The following HIPK3 variants were observed in gnomAD, a reference collection of about 807,000 sequenced individuals.
HIPK3 encodes homeodomain-interacting protein kinase 3.
HIPK3 carries 47 observed loss-of-function variants against 124.2 expected under a neutral mutation model. The observed-to-expected ratio is 0.38, with a 90% CI of 0.30 to 0.48. The LOEUF (loss-of-function observed/expected upper bound fraction) is 0.48, where lower values mean the gene tolerates loss of function less well. Ranked by LOEUF, HIPK3 falls within the 20% of genes least tolerant of loss-of-function variation. The probability of loss-of-function intolerance (pLI) is 0.98; values close to 1 mark genes in which losing one functional copy is unlikely to be tolerated. For synonymous variants in HIPK3, 482 were observed against 515.2 expected (o/e 0.94, Z 0.87); for missense variants, 1,286 against 1,454.3 (o/e 0.88, Z 1.88).
At chr11:33,318,832 T>C (rs764407156) in intron 2 of HIPK3, among the ~76,000 whole-genome samples, 7 of 152,242 alleles carry the variant, frequency 4.6e-5, no homozygotes, top group Non-Finnish European at 1.0e-4. Context: ...AGGATATCTT[T>C]ATTGAATTGC....
chr11:33,298,102 C>G (rs7113867), intron 2 of HIPK3, among the ~76,000 whole-genome samples: 99,656 of 151,862 alleles, frequency 0.66, 32,914 homozygotes, highest in Non-Finnish European at 0.7. Flanking sequence ...AACAGGCTAG[C>G]TTTGTTGGGA....
At chr11:33,285,221 T>C (rs1851515529) in intron 1 of HIPK3, among the ~76,000 whole-genome samples, 1 of 152,204 alleles carries the variant, frequency 6.6e-6, no homozygotes, top group African/African-American at 2.4e-5. Flanking sequence ...ATAAAATAAA[T>C]AGAATGTCAT....
intron 1 of HIPK3, among the ~76,000 whole-genome samples, chr11:33,272,085 T>C (rs1851139652): frequency 6.6e-6 from 1 of 152,130 alleles, no homozygotes. Context: ...ATAGAAGCAG[T>C]TGTAATAGAT....
intron 1 of HIPK3, among the ~76,000 whole-genome samples, chr11:33,268,622 AAAAG>A (rs1355905310): frequency 2.1e-5 from 3 of 144,674 alleles, no homozygotes; most frequent in South Asian, 2.1e-4. Context: ...AAAAATTAAA[AAAAG>A]AATCTTGTAT....
Position 33,353,638 on chromosome 11 carries a change from T to C in HIPK3, c.*70T>C, listed in dbSNP as rs1304541935. 1 of 1,040,378 alleles carries C rather than the reference T, an allele frequency of 9.6e-7. No individual in the cohort carries two copies. The highest frequency in any genetic ancestry group is 1.4e-6 in the Non-Finnish European group (1 of 694,160). 64.4% of individuals were successfully genotyped at this position (1,040,378 alleles called of 1,614,324 possible). A position where few individuals can be genotyped will look rare whatever the true frequency, so the allele number is the denominator to read the frequency against. On this transcript the variant is annotated 3_prime_UTR_variant, in exon 17 of 17. Coordinates refer to ENST00000303296, the MANE Select transcript of HIPK3 (RefSeq NM_005734.5). Reference sequence around the variant, plus strand: ...AAAATAAAAACATGGTATTTAATATTAGCCATGGCACAAGAAAATTATTTT... The same window carrying C: ...AAAATAAAAACATGGTATTTAATATCAGCCATGGCACAAGAAAATTATTTT...
rs1330225435 is a variant in HIPK3 at position 33,341,610 on chromosome 11, G to T, written c.1821G>T (p.Leu607=). ...CAGTTGTGCACCATGGAATACCTCTGCAGGCAGGAACTGCTCAGTTTGGTT... is the reference window on the plus strand; with the variant it reads ...CAGTTGTGCACCATGGAATACCTCTTCAGGCAGGAACTGCTCAGTTTGGTT... ...AHSVVHHGIP[L]QAGTAQFGCG... The change falls in exon 8 of 17, where the codon CTG becomes CTT. Residue 607 remains leucine (L), a synonymous_variant. Transcript: ENST00000303296. 5 of 1,613,834 alleles carry T rather than the reference G, an allele frequency of 3.1e-6. No homozygotes were observed. The highest frequency in any genetic ancestry group is 4.2e-6 in the Non-Finnish European group (5 of 1,179,858).
intron 8 of HIPK3, among the ~76,000 whole-genome samples, chr11:33,344,589 A>G (rs763023294): frequency 2.6e-5 from 4 of 152,210 alleles, no homozygotes; most frequent in Admixed American, 6.5e-5. Flanking sequence ...AGTAACAACT[A>G]TATCAGTGGT....
chr11:33,265,832 T>C (rs1453430706), intron 1 of HIPK3, among the ~76,000 whole-genome samples: 3 of 137,088 alleles, frequency 2.2e-5, no homozygotes, highest in Non-Finnish European at 1.6e-5. Flanking sequence ...ACGCCTGTAA[T>C]CCCAGTACTT....
In HIPK3 at chr11:33,287,507, T is replaced by C; in HGVS notation, c.1093T>C (p.Tyr365His). ...VCSTYLQSRY[Y>H]RAPEIILGLP... ...TTCAACATATCTACAATCTCGGTAC[T>C]ACAGGTAGGTAACAACTCCATACTT... Residue 365 changes from tyrosine to histidine, a missense_variant, in exon 2 of 17, where the codon TAC becomes CAC. By Grantham distance (83) the Tyr-to-His change is moderately conservative. Coordinates refer to ENST00000303296, the MANE Select transcript of HIPK3 (RefSeq NM_005734.5). 1 of 1,604,492 alleles carries C rather than the reference T, an allele frequency of 6.2e-7. No individual in the cohort carries two copies. Among genetic ancestry groups the C allele is most frequent in the Non-Finnish European group, 8.5e-7 (1 of 1,174,178 alleles).
intron 2 of HIPK3, among the ~76,000 whole-genome samples, chr11:33,315,164 A>G (rs1014514592): frequency 2.0e-5 from 3 of 152,126 alleles, no homozygotes; most frequent in Non-Finnish European, 4.4e-5. Flanking sequence ...GTGTTACCCT[A>G]CCAATCTGGT....
intron 10 of HIPK3, 30 bp downstream of exon 10, chr11:33,347,783 T>C: frequency 6.2e-7 from 1 of 1,613,062 alleles, no homozygotes; most frequent in Non-Finnish European, 8.5e-7. Context: ...ACTTTGTGAA[T>C]AGTTTGCAGA....
chr11:33,256,759 G>C, upstream of HIPK3: 1 of 965,840 alleles, frequency 1.0e-6, no homozygotes, highest in Non-Finnish European at 1.2e-6. Context: ...GGAGGTGGGC[G>C]AACTTCACAA....
chr11:33,275,815 A>C (rs1349561833), intron 1 of HIPK3, among the ~76,000 whole-genome samples: 3 of 152,230 alleles, frequency 2.0e-5, no homozygotes, highest in African/African-American at 7.2e-5. Flanking sequence ...ATACTTTTAA[A>C]TGAAGAAATT....
intron 2 of HIPK3, among the ~76,000 whole-genome samples, chr11:33,317,948 A>G (rs1011159123): frequency 5.3e-5 from 8 of 152,302 alleles, no homozygotes; most frequent in African/African-American, 1.2e-4. Flanking sequence ...GTGTCCCCCA[A>G]AATAAGAGCT....
In HIPK3 at chr11:33,353,123, G is replaced by T. The variant is rs764124053; in HGVS notation, c.3203G>T (p.Trp1068Leu). ...CACTTTGGATCTGGGCATCAAGAGT[G>T]GAATGGAAACTTTGGGCACAGAAGA... ...VQHFGSGHQEWNGNFGHRRQQ... is the reference protein window; with the variant it reads ...VQHFGSGHQELNGNFGHRRQQ... The change falls in exon 17 of 17, where the codon TGG becomes TTG. Residue 1068 changes from tryptophan (W) to leucine (L), a missense_variant. By Grantham distance (61) the Trp-to-Leu change is moderately conservative (BLOSUM62 -2). Transcript: ENST00000303296. The T allele has an allele frequency of 1.2e-6, 2 of 1,612,624 alleles. No homozygotes were observed. Among genetic ancestry groups the T allele is most frequent in the Non-Finnish European group, 1.7e-6 (2 of 1,179,362 alleles).
At chr11:33,316,253 A>C (rs1046722721) in intron 2 of HIPK3, among the ~76,000 whole-genome samples, 1 of 152,204 alleles carries the variant, frequency 6.6e-6, no homozygotes, top group East Asian at 1.9e-4. Flanking sequence ...ATATTGAAAA[A>C]GCTGCTTTAA....
chr11:33,286,809 A>G lies in HIPK3; in HGVS notation c.395A>G (p.Glu132Gly), dbSNP rs764092630. 10 of 1,614,166 alleles carry G rather than the reference A, an allele frequency of 6.2e-6. No homozygotes were observed. Among genetic ancestry groups the G allele is most frequent in the Non-Finnish European group, 8.5e-6 (10 of 1,180,036 alleles). The change falls in exon 2 of 17, where the codon GAG becomes GGG. Residue 132 changes from glutamate (E) to glycine (G), a missense_variant. By Grantham distance (98) the Glu-to-Gly change is moderately conservative. Transcript: ENST00000303296. ...CGATGTGGATTGAAGCGCAAGAGTG[A>G]GGAGTTGGATAATCATAGCAGCGCA... The part of the protein sequence containing the change: ...PQRCGLKRKS[E>G]ELDNHSSAMQ...
chr11:33,317,317 C>T (rs1852534149), intron 2 of HIPK3, among the ~76,000 whole-genome samples: 1 of 133,698 alleles, frequency 7.5e-6, no homozygotes, highest in Non-Finnish European at 1.5e-5. Flanking sequence ...GTTGCCCAGG[C>T]TGCAGTTCAG....
intron 2 of HIPK3, among the ~76,000 whole-genome samples, chr11:33,316,040 A>G (rs1281170254): frequency 6.6e-6 from 1 of 152,214 alleles, no homozygotes; most frequent in East Asian, 1.9e-4. Context: ...TAATCACAAC[A>G]TGGATAGTTG....
Sources: allele counts gnomAD v4.1 joint callset (sites outside exome capture counted in the v4.1 genomes callset), GRCh38; gene constraint gnomAD v4.1.1; transcripts MANE v1.5; gene names NCBI Gene and HGNC (gene_info 2026-07-23, HGNC 2026-07-21).